PCDH15: variants seen among roughly 807,000 people sequenced by gnomAD.
PCDH15 encodes protocadherin-15.
In PCDH15, 129 loss-of-function variants were observed where a neutral mutation model predicts 178.5. The ratio of observed to expected loss-of-function variants is 0.72; its 90% confidence interval spans 0.63 to 0.84. The LOEUF is 0.84. Among genes scored for constraint, PCDH15 ranks in the 40% least tolerant of loss-of-function variants. PCDH15 has a pLI of 0.00. For synonymous variants in PCDH15, 800 were observed against 732.0 expected (o/e 1.09, Z -1.50); for missense variants, 2,230 against 2,099.9 (o/e 1.06, Z -1.21).
chr10:55,161,601 T>C (rs1032889381), intron 2 of PCDH15, among the ~76,000 whole-genome samples: 5 of 152,164 alleles, frequency 3.3e-5, no homozygotes, highest in African/African-American at 1.2e-4. Context: ...AAACTGTTAT[T>C]AGGAAGGTTA....
At chr10:53,889,150 T>C (rs2081383323) in intron 26 of PCDH15, among the ~76,000 whole-genome samples, 1 of 152,032 alleles carries the variant, frequency 6.6e-6, no homozygotes, top group South Asian at 2.1e-4. Flanking sequence ...AAAGTCATGT[T>C]TTTGTGTTAC....
intron 2 of PCDH15, among the ~76,000 whole-genome samples, chr10:54,530,885 G>GTT: frequency 6.6e-6 from 1 of 152,140 alleles, no homozygotes; most frequent in South Asian, 2.1e-4. Context: ...TCATAACAAA[G>GTT]TGTTTGTTTT....
rs1844350135 is a variant in PCDH15 at position 55,335,190 on chromosome 10, ATAAG to A, written c.-155-168543_-155-168540del. ...ATTTCTTCTTCCTTTCAACTTATAG[ATAAG>A]TTAATCAATGACCTCCCATTAGATC... is the stretch of plus-strand genomic sequence containing the variant. On this transcript the variant is annotated intron_variant, in intron 2 of 5. Coordinates refer to the PCDH15 transcript ENST00000613346. 2.6e-5 allele frequency among the ~76,000 whole-genome samples: 4 copies of A among 152,244 alleles called. No individual in the cohort carries two copies. In the South Asian group the frequency reaches 8.3e-4, roughly 32 times the overall value.
At chr10:53,819,442 G>C (rs1431564390) in intron 33 of PCDH15, among the ~76,000 whole-genome samples, 1 of 151,902 alleles carries the variant, frequency 6.6e-6, no homozygotes, top group African/African-American at 2.4e-5. Flanking sequence ...GTACATAACA[G>C]AACTACTACT....
intron 2 of PCDH15, among the ~76,000 whole-genome samples, chr10:55,034,809 T>C (rs1840695816): frequency 6.6e-6 from 1 of 152,224 alleles, no homozygotes; most frequent in Admixed American, 6.5e-5. Flanking sequence ...AAATCTTATA[T>C]TGCAATTATT....
chr10:54,850,643 C>T (rs951028825), intron 3 of PCDH15, among the ~76,000 whole-genome samples: 1 of 152,040 alleles, frequency 6.6e-6, no homozygotes, highest in African/African-American at 2.4e-5. Context: ...ACACCACAAC[C>T]CTGCTATATT....
At chr10:54,183,143 G>A (rs1309755007) in intron 13 of PCDH15, among the ~76,000 whole-genome samples, 4 of 151,986 alleles carry the variant, frequency 2.6e-5, no homozygotes, top group East Asian at 1.9e-4. Context: ...CACCATACCC[G>A]GCTAATTTTG....
chr10:54,775,802 C>T (rs1252964257), intron 1 of PCDH15, among the ~76,000 whole-genome samples: 1 of 152,106 alleles, frequency 6.6e-6, no homozygotes, highest in African/African-American at 2.4e-5. Flanking sequence ...AGGAGAATGG[C>T]GTGAACCCGG....
intron 1 of PCDH15, among the ~76,000 whole-genome samples, chr10:54,700,820 C>A (rs1426905427): frequency 6.6e-6 from 1 of 151,984 alleles, no homozygotes; most frequent in Non-Finnish European, 1.5e-5. Flanking sequence ...AATTCTCCAA[C>A]CTCACCCAAG....
Position 54,189,367 on chromosome 10 carries a change from A to T in PCDH15, c.1306-4099T>A, listed in dbSNP as rs369670331. 1.3e-5 allele frequency: 21 copies of T among 1,574,212 alleles called. No homozygotes were observed. Among genetic ancestry groups the T allele is most frequent in the Non-Finnish European group, 1.8e-5 (21 of 1,157,156 alleles). On this transcript the variant is annotated intron_variant, in intron 11 of 37. Transcript: ENST00000644397. ...AAGCTTAACACCTAGTACCTACAGG[A>T]ACTCCACTGGGTGGAACCTATACGC... is the stretch of plus-strand genomic sequence containing the variant.
chr10:54,410,755 G>T (rs2135623287), intron 3 of PCDH15, among the ~76,000 whole-genome samples: 1 of 152,188 alleles, frequency 6.6e-6, no homozygotes, highest in South Asian at 2.1e-4. Flanking sequence ...TTTAAGGAAA[G>T]CTCCTGCAAG....
chr10:53,979,428 A>G (rs915653747), intron 21 of PCDH15, among the ~76,000 whole-genome samples: 2 of 152,218 alleles, frequency 1.3e-5, no homozygotes. Flanking sequence ...CGTGAAGATT[A>G]TGGGAACTAC....
chr10:54,835,619 T>C (rs1010062273), intron 3 of PCDH15, among the ~76,000 whole-genome samples: 4 of 152,102 alleles, frequency 2.6e-5, no homozygotes, highest in Middle Eastern at 3.2e-3. Context: ...ACCAGGCATT[T>C]CCTTAAAATA....
At chr10:54,292,940 T>C (rs1342924517) in intron 8 of PCDH15, among the ~76,000 whole-genome samples, 1 of 152,144 alleles carries the variant, frequency 6.6e-6, no homozygotes, top group Non-Finnish European at 1.5e-5. Context: ...CCAATGACTT[T>C]CTTCACAGAA....
At chr10:53,847,653 G>C (rs369619467) in intron 28 of PCDH15, among the ~76,000 whole-genome samples, 104 of 152,160 alleles carry the variant, frequency 6.8e-4, no homozygotes, top group Middle Eastern at 6.8e-3. Context: ...AACTGAGTCT[G>C]TTCTTTTTGT....
At chr10:54,277,848 G>C (rs550435284) in intron 8 of PCDH15, among the ~76,000 whole-genome samples, 13 of 151,464 alleles carry the variant, frequency 8.6e-5, no homozygotes, top group African/African-American at 2.9e-4. Context: ...GGTGAGAGGA[G>C]TATAGAGGAA....
intron 15 of PCDH15, among the ~76,000 whole-genome samples, chr10:54,097,597 G>C (rs1437503230): frequency 1.3e-5 from 2 of 151,980 alleles, no homozygotes; most frequent in Non-Finnish European, 2.9e-5. Context: ...TTCTCTATTA[G>C]AATGGAACCT....
chr10:53,880,640 G>C (rs887547320), intron 26 of PCDH15, among the ~76,000 whole-genome samples: 1 of 151,966 alleles, frequency 6.6e-6, no homozygotes, highest in Admixed American at 6.6e-5. Context: ...TAGTAAAAGA[G>C]TATGTCGAGG....
intron 2 of PCDH15, among the ~76,000 whole-genome samples, chr10:55,486,787 G>A (rs1840307031): frequency 7.6e-6 from 1 of 130,782 alleles, no homozygotes; most frequent in Admixed American, 7.4e-5. Context: ...GATTACAAGT[G>A]TGATTCACTG....
Sources: gnomAD v4.1 joint callset for allele counts (sites outside exome capture counted in the v4.1 genomes callset) on GRCh38, gnomAD v4.1.1 for gene constraint, MANE v1.5 for transcripts, NCBI Gene and HGNC (gene_info 2026-07-23, HGNC 2026-07-21) for gene names.